UNC13C: variants seen among roughly 807,000 people sequenced by gnomAD.
The protein encoded by UNC13C is protein unc-13 homolog C.
Under a neutral mutation model 245.4 loss-of-function variants are expected in UNC13C, and 174 were observed. That is an observed-to-expected ratio of 0.71 (90% CI 0.63 to 0.80). The LOEUF (loss-of-function observed/expected upper bound fraction) is 0.80. Among genes scored for constraint, UNC13C ranks in the 30% least tolerant of loss-of-function variants. The pLI is 0.00. For synonymous variants in UNC13C, 992 were observed against 895.1 expected, an observed-to-expected ratio of 1.11 and a Z score of -1.93; for missense variants, 2,829 against 2,602.9, an observed-to-expected ratio of 1.09 and a Z score of -1.89.
In UNC13C at chr15:54,243,595, C is replaced by T. The variant is rs536414201; in HGVS notation, c.3228+5905C>T. Among the ~76,000 whole-genome samples the T allele has an allele frequency of 5.8e-3, 555 of 95,476 alleles. 5 individuals are homozygous for T. The highest frequency in any genetic ancestry group is 0.039 in the African/African-American group (535 of 13,852). 62.6% of individuals were successfully genotyped at this position (95,476 alleles called of 152,430 possible). A position where few individuals can be genotyped will look rare whatever the true frequency, so the allele number is the denominator to read the frequency against. On this transcript the variant is annotated intron_variant, in intron 7 of 32. Transcript: ENST00000260323. ...ATTGAGCTAATTTAATTCCCACCAA[C>T]AGTGTAAAGCATTCCTTTTTTTCTG...
At chr15:54,310,740 ATATATC>A (rs57312410) in intron 13 of UNC13C, among the ~76,000 whole-genome samples, 24,232 of 117,356 alleles carry the variant, frequency 0.21, 2,163 homozygotes, top group South Asian at 0.36. Context: ...GCCTCATTTT[ATATATC>A]TATATCTATA....
At chr15:53,964,282 C>T in the UNC13C span, among the ~76,000 whole-genome samples, 3 of 152,222 alleles carry the variant, frequency 2.0e-5, no homozygotes, top group South Asian at 6.2e-4. Context: ...AACAATTTTG[C>T]AGAGATGTTC....
At chr15:54,272,040 C>G (rs558058623) in intron 10 of UNC13C, among the ~76,000 whole-genome samples, 3 of 152,140 alleles carry the variant, frequency 2.0e-5, no homozygotes, top group African/African-American at 7.2e-5. Flanking sequence ...ACCTGAATAC[C>G]AGTACTATTC....
intron 4 of UNC13C, among the ~76,000 whole-genome samples, chr15:54,208,828 T>G (rs375614048): frequency 6.6e-6 from 1 of 152,116 alleles, no homozygotes; most frequent in East Asian, 1.9e-4. Context: ...GTAAAATAAC[T>G]TTTTAGTTCT....
At chr15:54,539,611 C>T (rs1187885957) in intron 26 of UNC13C, among the ~76,000 whole-genome samples, 2 of 152,032 alleles carry the variant, frequency 1.3e-5, no homozygotes, top group Non-Finnish European at 2.9e-5. Context: ...TCCCAATTCA[C>T]TTCAACCTCT....
rs1234344535 is a variant in UNC13C, at chr15:54,494,687, T to C, written c.5013T>C (p.Tyr1671=). The C allele has an allele frequency of 5.6e-6, 9 of 1,611,536 alleles. No individual in the cohort carries two copies. The highest frequency in any genetic ancestry group is 1.3e-5 in the African/African-American group (1 of 74,836). The part of the protein sequence containing the change: ...HFKVKWFYNE[Y]VRELPAFKDA... ...AAGTTAAATGGTTTTATAATGAATATGTGCGTGAACTTCCTGCCTTCAAGG... is the reference window on the plus strand; with the variant it reads ...AAGTTAAATGGTTTTATAATGAATACGTGCGTGAACTTCCTGCCTTCAAGG... Residue 1671 remains tyrosine (Y), a synonymous_variant, in exon 20 of 33, where the codon TAT becomes TAC. Transcript: ENST00000260323.
At chr15:54,568,494 G>T (rs1897613043) in intron 30 of UNC13C, among the ~76,000 whole-genome samples, 2 of 152,030 alleles carry the variant, frequency 1.3e-5, no homozygotes, top group African/African-American at 4.8e-5. Flanking sequence ...ACTCAGATAT[G>T]TTTCATGTGT....
chr15:54,403,320 C>G (rs2040225925), intron 18 of UNC13C, among the ~76,000 whole-genome samples: 1 of 152,062 alleles, frequency 6.6e-6, no homozygotes, highest in African/African-American at 2.4e-5. Flanking sequence ...GCGGGTGGGT[C>G]TCTTGATCCT....
chr15:54,548,210 T>TTG (rs1389260702), intron 27 of UNC13C, among the ~76,000 whole-genome samples: 3 of 66,458 alleles, frequency 4.5e-5, no homozygotes, highest in South Asian at 6.2e-4. Flanking sequence ...TTCTTTTGCT[T>TTG]TTTTTTTTTT....
intron 10 of UNC13C, 83 bp from the exon 11 acceptor site, chr15:54,293,812 A>G: frequency 2.5e-6 from 3 of 1,182,722 alleles, no homozygotes; most frequent in Non-Finnish European, 3.4e-6. Flanking sequence ...CCTTTCTAGA[A>G]TAGATAGAAA....
chr15:53,927,995 A>T, the UNC13C span, among the ~76,000 whole-genome samples: 2 of 152,214 alleles, frequency 1.3e-5, no homozygotes, highest in South Asian at 2.1e-4. Context: ...ACAACTTCAG[A>T]AATAATAGTT....
chr15:54,014,332 G>C lies in UNC13C; in HGVS notation c.1429G>C (p.Gly477Arg). The change falls in exon 2 of 33, where the codon GGA becomes CGA. Residue 477 changes from glycine (G) to arginine (R), a missense_variant. Physicochemically the swap from Gly to Arg is moderately radical, Grantham distance 125. Transcript: ENST00000260323. ...VLSKSELLTK[G>R]STSKPSSKSH... ...TTCCAAGTCAGAGCTTCTAACAAAGGGAAGTACTTCCAAGCCAAGCTCAAA... is the reference window on the plus strand; with the variant it reads ...TTCCAAGTCAGAGCTTCTAACAAAGCGAAGTACTTCCAAGCCAAGCTCAAA... The C allele has an allele frequency of 6.2e-7, 1 of 1,613,810 alleles. No individual in the cohort carries two copies. Among genetic ancestry groups the C allele is most frequent in the Non-Finnish European group, 8.5e-7 (1 of 1,179,822 alleles).
chr15:54,401,095 G>T (rs1433267361), intron 18 of UNC13C, among the ~76,000 whole-genome samples: 1 of 151,908 alleles, frequency 6.6e-6, no homozygotes, highest in Non-Finnish European at 1.5e-5. Context: ...TTACTTACTT[G>T]GTTACCCATA....
chr15:54,190,501 C>T (rs1449975283), intron 4 of UNC13C, among the ~76,000 whole-genome samples: 1 of 151,944 alleles, frequency 6.6e-6, no homozygotes, highest in East Asian at 1.9e-4. Context: ...TGTAAATAAA[C>T]AAATGATAGA....
intron 19 of UNC13C, among the ~76,000 whole-genome samples, chr15:54,463,291 G>A (rs112554760): frequency 0.27 from 19,592 of 72,096 alleles, 4,099 homozygotes; most frequent in East Asian, 0.58. Context: ...GGCCGGTCAG[G>A]TAAGGGAATA....
At chr15:54,350,625 A>G (rs1240344994) in intron 17 of UNC13C, among the ~76,000 whole-genome samples, 1 of 152,174 alleles carries the variant, frequency 6.6e-6, no homozygotes, top group African/African-American at 2.4e-5. Flanking sequence ...ATAACTTTTC[A>G]ATTGATATGA....
At chr15:54,029,338 C>G (rs1270117375) in intron 2 of UNC13C, among the ~76,000 whole-genome samples, 2 of 152,160 alleles carry the variant, frequency 1.3e-5, no homozygotes, top group Non-Finnish European at 2.9e-5. Context: ...GTGATGAACT[C>G]AAGATTAGGG....
the UNC13C span, among the ~76,000 whole-genome samples, chr15:53,852,653 G>A: frequency 3.9e-5 from 6 of 152,078 alleles, no homozygotes; most frequent in African/African-American, 1.4e-4. Context: ...TCTGGTAATT[G>A]CCTCAAGGTA....
At chr15:54,217,680 T>G (rs1471280986) in intron 4 of UNC13C, among the ~76,000 whole-genome samples, 2 of 151,912 alleles carry the variant, frequency 1.3e-5, no homozygotes, top group Non-Finnish European at 2.9e-5. Flanking sequence ...CCATCAGTGC[T>G]CCCAAAGATG....
Sources: gnomAD v4.1 joint callset for allele counts (sites outside exome capture counted in the v4.1 genomes callset) on GRCh38, gnomAD v4.1.1 for gene constraint, MANE v1.5 for transcripts, NCBI Gene and HGNC (gene_info 2026-07-23, HGNC 2026-07-21) for gene names.